HMCES: variants seen among roughly 807,000 people sequenced by gnomAD.
HMCES encodes the protein 5-hydroxymethylcytosine binding, ES cell specific.
A neutral mutation model predicts 35.1 loss-of-function variants in HMCES; 27 were observed. That is an observed-to-expected ratio of 0.77 (90% CI 0.57 to 1.06). The LOEUF (loss-of-function observed/expected upper bound fraction) is 1.06, where lower values mean the gene tolerates loss of function less well. HMCES is among the 50% of genes least tolerant of loss of function. The probability of loss-of-function intolerance (pLI) is 0.00; values close to 1 mark genes in which losing one functional copy is unlikely to be tolerated. For synonymous variants in HMCES, 130 were observed against 154.7 expected, an observed-to-expected ratio of 0.84 and a Z score of 1.18; for missense variants, 391 against 430.4, an observed-to-expected ratio of 0.91 and a Z score of 0.81.
At chr3:129,294,326 G>A (rs902445324) in intron 4 of HMCES, among the ~76,000 whole-genome samples, 1 of 152,146 alleles carries the variant, frequency 6.6e-6, no homozygotes, top group Non-Finnish European at 1.5e-5. Flanking sequence ...GGGAGGCTGA[G>A]GCAGGAGAAT....
At chr3:129,292,405 TGA>T (rs1477194768) in intron 4 of HMCES, among the ~76,000 whole-genome samples, 2 of 151,824 alleles carry the variant, frequency 1.3e-5, no homozygotes, top group East Asian at 3.9e-4. Context: ...AATGATAGCT[TGA>T]GCCTGGGGTG....
rs1275216481 is a variant in HMCES at position 129,305,984 on chromosome 3, G to GA, written c.*1159_*1160insA. ...TTTTCTCTAAATTCCTCTTTTGAGT[G>GA]CCCTCCCTTCCGGTTGAGAGGCGGG... On this transcript the variant is annotated 3_prime_UTR_variant, in exon 7 of 7. Coordinates refer to ENST00000383463, the MANE Select transcript of HMCES (RefSeq NM_020187.3). 6 of 152,332 alleles carry GA rather than the reference G, an allele frequency of 3.9e-5. 2 individuals carry two copies. The highest frequency in any genetic ancestry group is 3.9e-4 in the Admixed American group (6 of 15,294). The allele number at this position is 152,332 out of a possible 1,614,324, so 9.4% of individuals were successfully genotyped here.
intron 3 of HMCES, among the ~76,000 whole-genome samples, chr3:129,289,262 A>C (rs920171399): frequency 1.3e-5 from 2 of 152,192 alleles, no homozygotes; most frequent in African/African-American, 4.8e-5. Flanking sequence ...GGAAGTTCTC[A>C]TGTTGCAGTT....
At chr3:129,281,762 G>A (rs1940494086) in intron 2 of HMCES, among the ~76,000 whole-genome samples, 2 of 151,794 alleles carry the variant, frequency 1.3e-5, no homozygotes, top group Admixed American at 1.3e-4. Context: ...ACTTTGGGAG[G>A]CTGAGGCGGG....
At chr3:129,299,488 T>G (rs941713047) in intron 5 of HMCES, among the ~76,000 whole-genome samples, 1 of 152,194 alleles carries the variant, frequency 6.6e-6, no homozygotes, top group African/African-American at 2.4e-5. Flanking sequence ...TCTGTACTTG[T>G]GGCTTCTCCC....
At chr3:129,291,128 C>G (rs566140170) in intron 4 of HMCES, among the ~76,000 whole-genome samples, 1 of 152,000 alleles carries the variant, frequency 6.6e-6, no homozygotes, top group South Asian at 2.1e-4. Flanking sequence ...CTTGAACCCA[C>G]GAGATAGAGG....
chr3:129,279,760 C>T lies in HMCES; in HGVS notation c.28C>T (p.Pro10Ser), dbSNP rs1452232921. ...GTGTGGGCGAACATCCTGTCACTTA[C>T]CTAGAGATGTTCTCACGAGAGCTTG... The part of the protein sequence containing the change: MCGRTSCHL[P>S]RDVLTRACAY... The change falls in exon 2 of 7, where the codon CCT becomes TCT. Residue 10 changes from proline (P) to serine (S), a missense_variant. Physicochemically the swap from Pro to Ser is moderately conservative, Grantham distance 74. Coordinates refer to ENST00000383463, the MANE Select transcript of HMCES (RefSeq NM_020187.3). The surrounding 1 kb of genome is among the most constrained non-coding windows in gnomAD (Gnocchi z 4.2). The T allele has an allele frequency of 1.2e-6, 2 of 1,612,898 alleles. No homozygotes were observed. Among genetic ancestry groups the T allele is most frequent in the Non-Finnish European group, 1.7e-6 (2 of 1,179,668 alleles).
At chr3:129,295,106 C>T (rs1165151224) in intron 4 of HMCES, among the ~76,000 whole-genome samples, 2 of 149,492 alleles carry the variant, frequency 1.3e-5, no homozygotes, top group Non-Finnish European at 2.9e-5. Flanking sequence ...TTGCAGTGAA[C>T]CGAGATGGCG....
intron 2 of HMCES, among the ~76,000 whole-genome samples, chr3:129,285,354 T>C (rs1455720753): frequency 6.6e-6 from 1 of 152,202 alleles, no homozygotes; most frequent in African/African-American, 2.4e-5. Context: ...TCTTGAAAAT[T>C]ATCCCACAGG....
intron 2 of HMCES, among the ~76,000 whole-genome samples, chr3:129,285,879 G>T (rs575076357): frequency 4.8e-4 from 73 of 152,026 alleles, no homozygotes; most frequent in African/African-American, 1.7e-3. Context: ...ACAGGCACAC[G>T]CCACCACACC....
At chr3:129,295,902 C>T (rs1273109422) in intron 4 of HMCES, among the ~76,000 whole-genome samples, 1 of 151,988 alleles carries the variant, frequency 6.6e-6, no homozygotes, top group Admixed American at 6.6e-5. Flanking sequence ...AATTTCTTGG[C>T]TTTTTCCTCT....
intron 2 of HMCES, among the ~76,000 whole-genome samples, chr3:129,280,783 CACTT>C (rs1034770454): frequency 6.6e-6 from 1 of 152,180 alleles, no homozygotes; most frequent in Non-Finnish European, 1.5e-5. Flanking sequence ...AATTACCAGT[CACTT>C]ACATTCATAT....
intron 2 of HMCES, among the ~76,000 whole-genome samples, chr3:129,282,296 A>C (rs1267804126): frequency 2.9e-5 from 3 of 101,772 alleles, no homozygotes; most frequent in Admixed American, 2.6e-4. Context: ...TGTTTTTAAC[A>C]AAAAAAAAAA....
At position 129,298,704 on chromosome 3, in the gene HMCES, A is replaced by C. The variant is rs1484322020; in HGVS notation, c.635+169A>C. ...CCTAAAAATCACTGTACTATGCAAA[A>C]CGATAGAATAAAAACCAAATAACTT... is the stretch of plus-strand genomic sequence containing the variant. On this transcript the variant is annotated intron_variant, in intron 5 of 6. Transcript: ENST00000383463. Among the ~76,000 whole-genome samples the C allele has an allele frequency of 2.6e-5, 4 of 152,330 alleles. No homozygotes were observed. The East Asian group carries it at 7.7e-4, about 29-fold the overall frequency.
intron 5 of HMCES, among the ~76,000 whole-genome samples, chr3:129,301,191 C>CA (rs11402453): frequency 0.54 from 49,516 of 92,356 alleles, 11,603 homozygotes; most frequent in East Asian, 0.69. Flanking sequence ...GACTCTGTCT[C>CA]AAAAAAAAAA....
At chr3:129,294,511 C>T (rs980689388) in intron 4 of HMCES, among the ~76,000 whole-genome samples, 4 of 152,230 alleles carry the variant, frequency 2.6e-5, no homozygotes, top group Non-Finnish European at 4.4e-5. Context: ...TGTCTTTATA[C>T]ACTACATTAC....
intron 6 of HMCES, among the ~76,000 whole-genome samples, chr3:129,302,590 A>G (rs2071183035): frequency 6.6e-6 from 1 of 152,114 alleles, no homozygotes; most frequent in South Asian, 2.1e-4. Flanking sequence ...GCCCGTCCCA[A>G]GTAGTGATCC....
At chr3:129,293,929 C>T (rs917385246) in intron 4 of HMCES, among the ~76,000 whole-genome samples, 4 of 152,102 alleles carry the variant, frequency 2.6e-5, no homozygotes, top group African/African-American at 9.7e-5. Flanking sequence ...GTCTGACAAT[C>T]ATTCTTTTAA....
chr3:129,304,781 G>A lies in HMCES; in HGVS notation c.1021G>A (p.Glu341Lys). 1 of 1,614,202 alleles carries A rather than the reference G, an allele frequency of 6.2e-7. No homozygotes were observed. The highest frequency in any genetic ancestry group is 1.1e-5 in the South Asian group (1 of 91,082). Reference sequence around the variant, plus strand: ...ACTCCTAGAGCAATGGCTGAAGCGGGAGAAGGAGGAGGAACCTGTGGCCAA... The same window carrying A: ...ACTCCTAGAGCAATGGCTGAAGCGGAAGAAGGAGGAGGAACCTGTGGCCAA... ...AGLLEQWLKR[E>K]KEEEPVAKRP... Residue 341 changes from glutamate to lysine, a missense_variant, in exon 7 of 7, where the codon GAG becomes AAG. Physicochemically the swap from Glu to Lys is moderately conservative, Grantham distance 56. Transcript: ENST00000383463.
Sources: allele counts gnomAD v4.1 joint callset (sites outside exome capture counted in the v4.1 genomes callset), GRCh38; gene constraint gnomAD v4.1.1; non-coding constraint Gnocchi (gnomAD v3.1); transcripts MANE v1.5; gene names NCBI Gene and HGNC (gene_info 2026-07-23, HGNC 2026-07-21).